The following CBFA2T2 variants were observed in gnomAD, a reference collection of about 807,000 sequenced individuals.
CBFA2T2 encodes CBFA2/RUNX1 partner transcriptional co-repressor 2.
CBFA2T2 carries 11 observed loss-of-function variants against 62.2 expected under a neutral mutation model. The observed-to-expected ratio is 0.18, with a 90% CI of 0.11 to 0.29. The LOEUF (loss-of-function observed/expected upper bound fraction) is 0.29. Ranked by LOEUF, CBFA2T2 falls within the 10% of genes least tolerant of loss-of-function variation. CBFA2T2 has a pLI of 1.00. For synonymous variants in CBFA2T2, 295 were observed against 287.5 expected (o/e 1.03, Z -0.27); for missense variants, 592 against 774.1 (o/e 0.76, Z 2.79).
chr20:33,638,289 A>C lies in CBFA2T2; in HGVS notation c.1297+1581A>C, dbSNP rs150229052. Among the ~76,000 whole-genome samples the C allele has an allele frequency of 5.3e-4, 80 of 152,078 alleles. No homozygotes were observed. In the Middle Eastern group the frequency reaches 0.02, roughly 39 times the overall value. ...AGCCTGTAATGTGCCCAGCCACAAG[A>C]TCTCTTTTAAACTAGTGAGTTTGAT... On this transcript the variant is annotated intron_variant, in intron 9 of 10. Coordinates refer to ENST00000342704, the MANE Select transcript of CBFA2T2 (RefSeq NM_001032999.3).
intron 1 of CBFA2T2, among the ~76,000 whole-genome samples, chr20:33,559,159 CT>C (rs940492736): frequency 9.2e-6 from 1 of 108,568 alleles, no homozygotes; most frequent in Non-Finnish European, 1.8e-5. Flanking sequence ...ATTGCAGCTT[CT>C]TTTTTTCCTT....
intron 1 of CBFA2T2, among the ~76,000 whole-genome samples, chr20:33,558,490 T>C (rs997740552): frequency 6.6e-6 from 1 of 152,170 alleles, no homozygotes; most frequent in African/African-American, 2.4e-5. Context: ...TCCCTTTTTT[T>C]CCTTAAGAAT....
At chr20:33,531,742 C>A (rs2012068846) in intron 1 of CBFA2T2, among the ~76,000 whole-genome samples, 1 of 152,178 alleles carries the variant, frequency 6.6e-6, no homozygotes, top group Non-Finnish European at 1.5e-5. Context: ...ATTGTGGAGC[C>A]AGGAGTCTAG....
chr20:33,515,851 T>C (rs1256381878), intron 1 of CBFA2T2, among the ~76,000 whole-genome samples: 3 of 151,108 alleles, frequency 2.0e-5, no homozygotes, highest in African/African-American at 7.3e-5. Flanking sequence ...TATAATTACT[T>C]TCCTAAAGAT....
At chr20:33,503,497 C>T (rs1249504350) in intron 1 of CBFA2T2, among the ~76,000 whole-genome samples, 1 of 152,096 alleles carries the variant, frequency 6.6e-6, no homozygotes, top group Non-Finnish European at 1.5e-5. Context: ...TCGTGATCCG[C>T]CCGCCTCGGC....
At chr20:33,537,802 T>C (rs1568807092) in intron 1 of CBFA2T2, among the ~76,000 whole-genome samples, 1 of 152,206 alleles carries the variant, frequency 6.6e-6, no homozygotes, top group Non-Finnish European at 1.5e-5. Flanking sequence ...ATCAGTTGTT[T>C]ATATATCTGT....
chr20:33,548,211 C>T (rs994447755), intron 1 of CBFA2T2, among the ~76,000 whole-genome samples: 3 of 151,534 alleles, frequency 2.0e-5, no homozygotes, highest in African/African-American at 7.3e-5. Context: ...CTGTAGGTTT[C>T]CTTTTATTTT....
intron 1 of CBFA2T2, among the ~76,000 whole-genome samples, chr20:33,591,210 A>T (rs1292171445): frequency 1.4e-5 from 2 of 144,704 alleles, no homozygotes; most frequent in Non-Finnish European, 3.0e-5. Flanking sequence ...ATAGCTGGGC[A>T]TGGTGGCTCA....
intron 8 of CBFA2T2, among the ~76,000 whole-genome samples, chr20:33,631,147 T>C (rs1289243487): frequency 6.6e-6 from 1 of 152,172 alleles, no homozygotes; most frequent in East Asian, 1.9e-4. Flanking sequence ...ACCCCGTCTC[T>C]ACTAAAAATA....
intron 1 of CBFA2T2, among the ~76,000 whole-genome samples, chr20:33,495,314 A>G (rs2011188270): frequency 6.8e-6 from 1 of 146,812 alleles, no homozygotes; most frequent in African/African-American, 2.5e-5. Context: ...TGAAGCCAGG[A>G]GGCAGAGGTG....
intron 1 of CBFA2T2, among the ~76,000 whole-genome samples, chr20:33,521,690 G>C (rs1303597322): frequency 1.2e-4 from 18 of 152,110 alleles, no homozygotes; most frequent in Non-Finnish European, 7.3e-5. Flanking sequence ...CTAAGGAGAA[G>C]AGCTAATTGA....
intron 1 of CBFA2T2, chr20:33,562,298 A>C: frequency 1.3e-6 from 1 of 764,606 alleles, no homozygotes. Flanking sequence ...ACTTAGTGAC[A>C]TCAGCTGGCA....
chr20:33,536,539 G>A (rs1299972798), intron 1 of CBFA2T2, among the ~76,000 whole-genome samples: 3 of 151,504 alleles, frequency 2.0e-5, no homozygotes, highest in Non-Finnish European at 4.4e-5. Flanking sequence ...CTTCCCAGAC[G>A]GGGTGGCTGC....
chr20:33,520,502 G>A (rs183639126), intron 1 of CBFA2T2, among the ~76,000 whole-genome samples: 1 of 152,190 alleles, frequency 6.6e-6, no homozygotes, highest in African/African-American at 2.4e-5. Flanking sequence ...CGGGTTTGGT[G>A]GTTCACACCT....
At chr20:33,497,961 A>G (rs1426311385) in intron 1 of CBFA2T2, among the ~76,000 whole-genome samples, 14 of 152,132 alleles carry the variant, frequency 9.2e-5, no homozygotes, top group Non-Finnish European at 2.1e-4. Context: ...AGGATTGCAG[A>G]TGTGAGCCAT....
intron 1 of CBFA2T2, among the ~76,000 whole-genome samples, chr20:33,582,894 A>T (rs1220837644): frequency 1.3e-5 from 2 of 152,082 alleles, no homozygotes; most frequent in Non-Finnish European, 2.9e-5. Context: ...GTGAACGAAG[A>T]TCGCACCACT....
chr20:33,554,608 T>C (rs1261672112), intron 1 of CBFA2T2, among the ~76,000 whole-genome samples: 17 of 142,746 alleles, frequency 1.2e-4, no homozygotes, highest in African/African-American at 4.4e-4. Flanking sequence ...TTCTTTTTTT[T>C]TTTTTTTTTT....
At chr20:33,580,580 G>A (rs2014066318) in intron 1 of CBFA2T2, among the ~76,000 whole-genome samples, 1 of 152,186 alleles carries the variant, frequency 6.6e-6, no homozygotes, top group Non-Finnish European at 1.5e-5. Flanking sequence ...GGCCAGGCAC[G>A]GTGGTTCATG....
chr20:33,638,390 G>T (rs923571774), intron 9 of CBFA2T2, among the ~76,000 whole-genome samples: 1 of 152,178 alleles, frequency 6.6e-6, no homozygotes. Context: ...TTGAGTCCTT[G>T]CTCTGCTACA....
Sources: gnomAD v4.1 joint callset for allele counts (sites outside exome capture counted in the v4.1 genomes callset) on GRCh38, gnomAD v4.1.1 for gene constraint, MANE v1.5 for transcripts, NCBI Gene and HGNC (gene_info 2026-07-23, HGNC 2026-07-21) for gene names.